NKAIN3: variants seen among roughly 807,000 people sequenced by gnomAD.
NKAIN3 encodes sodium/potassium transporting ATPase interacting 3.
Under a neutral mutation model 30.2 loss-of-function variants are expected in NKAIN3, and 25 were observed. The observed-to-expected ratio is 0.83, with a 90% CI of 0.60 to 1.16. NKAIN3 has a LOEUF of 1.16. Ranked by LOEUF, NKAIN3 falls within the 50% of genes most tolerant of loss-of-function variation. NKAIN3 has a pLI of 0.00. For synonymous variants in NKAIN3, 91 were observed against 89.6 expected (o/e 1.02, Z -0.09); for missense variants, 225 against 254.1 (o/e 0.89, Z 0.78).
downstream of NKAIN3, among the ~76,000 whole-genome samples, chr8:62,987,683 G>A (rs1227751793): frequency 6.6e-6 from 1 of 151,672 alleles, no homozygotes; most frequent in African/African-American, 2.4e-5. Flanking sequence ...TATAACACAT[G>A]GGAATTATGA....
intron 5 of NKAIN3, among the ~76,000 whole-genome samples, chr8:62,995,226 C>T (rs1490980938): frequency 1.3e-5 from 2 of 152,138 alleles, no homozygotes; most frequent in African/African-American, 4.8e-5. Context: ...TAATATTAAG[C>T]AAATAAACCC....
At chr8:62,395,663 A>C (rs1817732113) in intron 1 of NKAIN3, among the ~76,000 whole-genome samples, 2 of 152,220 alleles carry the variant, frequency 1.3e-5, no homozygotes, top group Admixed American at 6.5e-5. Context: ...CCACATATCC[A>C]CACACATACA....
At chr8:62,293,169 G>A (rs2129587271) in intron 1 of NKAIN3, among the ~76,000 whole-genome samples, 1 of 151,988 alleles carries the variant, frequency 6.6e-6, no homozygotes, top group African/African-American at 2.4e-5. Flanking sequence ...TTTTCGATGG[G>A]TTCGAATATC....
intron 1 of NKAIN3, among the ~76,000 whole-genome samples, chr8:62,310,388 T>A (rs1446834287): frequency 2.0e-5 from 3 of 150,618 alleles, no homozygotes; most frequent in Non-Finnish European, 4.4e-5. Context: ...TAACTGTGTT[T>A]AAAGTCTTAC....
intron 4 of NKAIN3, among the ~76,000 whole-genome samples, chr8:62,866,918 G>C (rs1449945901): frequency 6.7e-6 from 1 of 150,160 alleles, no homozygotes; most frequent in East Asian, 1.9e-4. Context: ...GGCCGGGCTT[G>C]GTGGCGGGTG....
intron 1 of NKAIN3, among the ~76,000 whole-genome samples, chr8:62,571,463 A>G (rs1284718220): frequency 1.3e-5 from 2 of 152,006 alleles, no homozygotes; most frequent in Non-Finnish European, 2.9e-5. Flanking sequence ...TTTTCCAGGC[A>G]CACAGTGCAA....
At chr8:62,845,103 T>TA (rs944713403) in intron 4 of NKAIN3, among the ~76,000 whole-genome samples, 7 of 150,320 alleles carry the variant, frequency 4.7e-5, no homozygotes, top group East Asian at 3.9e-4. Context: ...TCACTAGAAA[T>TA]AAAAAAAAGG....
intron 3 of NKAIN3, among the ~76,000 whole-genome samples, chr8:62,612,486 G>A (rs535357392): frequency 1.2e-4 from 18 of 149,002 alleles, no homozygotes; most frequent in Admixed American, 6.7e-5. Context: ...CAGTCTTTGT[G>A]TGTCTTTATA....
intron 1 of NKAIN3, among the ~76,000 whole-genome samples, chr8:62,272,365 C>T (rs151181547): frequency 1.6e-3 from 246 of 152,166 alleles, no homozygotes; most frequent in South Asian, 5.4e-3. Flanking sequence ...GAAATGCTAA[C>T]GCCAGTGATG....
At chr8:62,470,162 T>C (rs1016217632) in intron 1 of NKAIN3, among the ~76,000 whole-genome samples, 2 of 152,222 alleles carry the variant, frequency 1.3e-5, no homozygotes, top group Admixed American at 1.3e-4. Context: ...CAAGTGTGCA[T>C]TATTCTCATA....
chr8:62,632,423 C>G (rs1811990136), intron 3 of NKAIN3, among the ~76,000 whole-genome samples: 1 of 152,116 alleles, frequency 6.6e-6, no homozygotes, highest in Non-Finnish European at 1.5e-5. Flanking sequence ...TCCTTCAAAT[C>G]TGAGCAGAAA....
chr8:62,818,885 A>G (rs1027621717), intron 4 of NKAIN3, among the ~76,000 whole-genome samples: 2 of 151,972 alleles, frequency 1.3e-5, no homozygotes, highest in Admixed American at 1.3e-4. Context: ...TTTCTTACAA[A>G]TGAATGATAT....
chr8:62,460,619 A>G (rs1471588226), intron 1 of NKAIN3, among the ~76,000 whole-genome samples: 1 of 152,172 alleles, frequency 6.6e-6, no homozygotes, highest in Admixed American at 6.5e-5. Context: ...ATTGATAAAG[A>G]AGAGCTCACA....
chr8:62,943,717 T>A (rs957451863), intron 5 of NKAIN3, among the ~76,000 whole-genome samples: 4 of 148,438 alleles, frequency 2.7e-5, no homozygotes, highest in Non-Finnish European at 5.9e-5. Flanking sequence ...ATAAAGAAAA[T>A]TTTTTAAAAT....
chr8:62,523,231 G>A (rs1302982839), intron 1 of NKAIN3, among the ~76,000 whole-genome samples: 1 of 152,146 alleles, frequency 6.6e-6, no homozygotes, highest in Non-Finnish European at 1.5e-5. Flanking sequence ...AGGAGCAGCG[G>A]ACTATACTGT....
intron 1 of NKAIN3, among the ~76,000 whole-genome samples, chr8:62,351,477 CCTGA>C (rs1333265122): frequency 1.7e-4 from 25 of 149,340 alleles, no homozygotes; most frequent in South Asian, 1.5e-3. Flanking sequence ...GATACGGAGG[CCTGA>C]CTGTTTATAT....
chr8:62,884,321 C>T (rs950022855), intron 4 of NKAIN3, among the ~76,000 whole-genome samples: 4 of 151,648 alleles, frequency 2.6e-5, no homozygotes, highest in African/African-American at 9.7e-5. Context: ...TGCAATGGCG[C>T]AATCTCGGCT....
chr8:62,519,795 A>G (rs997286237), intron 1 of NKAIN3, among the ~76,000 whole-genome samples: 14 of 152,252 alleles, frequency 9.2e-5, no homozygotes, highest in African/African-American at 3.4e-4. Flanking sequence ...CTAAGTTTTC[A>G]GATTGCCGGG....
At chr8:62,865,282 C>T (rs114024700) in intron 4 of NKAIN3, among the ~76,000 whole-genome samples, 6 of 152,286 alleles carry the variant, frequency 3.9e-5, no homozygotes, top group Admixed American at 3.3e-4. Flanking sequence ...CTGGCGAATG[C>T]CTTCAGCATC....
Sources: gnomAD v4.1 joint callset for allele counts (sites outside exome capture counted in the v4.1 genomes callset) on GRCh38, gnomAD v4.1.1 for gene constraint, MANE v1.5 for transcripts, NCBI Gene and HGNC (gene_info 2026-07-23, HGNC 2026-07-21) for gene names.